The following SPIDR variants were observed in gnomAD, a reference collection of about 807,000 sequenced individuals.
SPIDR encodes the protein scaffold protein involved in DNA repair.
In SPIDR, 93 loss-of-function variants were observed where a neutral mutation model predicts 104.6. That is an observed-to-expected ratio of 0.89 (90% CI 0.75 to 1.06). SPIDR has a LOEUF of 1.06. SPIDR is among the 50% of genes least tolerant of loss of function. The pLI is 0.00. For missense variants in SPIDR, 1,154 were observed against 1,111.2 expected (o/e 1.04, Z -0.55); for synonymous variants, 431 against 416.9 (o/e 1.03, Z -0.41).
At chr8:47,550,105 GTT>G (rs1247774284) in intron 8 of SPIDR, among the ~76,000 whole-genome samples, 1 of 152,088 alleles carries the variant, frequency 6.6e-6, no homozygotes, top group East Asian at 1.9e-4. Context: ...TGAGGGCTCT[GTT>G]CTATTCCATT....
At chr8:47,337,213 G>A (rs1175596282) in intron 5 of SPIDR, among the ~76,000 whole-genome samples, 3 of 151,888 alleles carry the variant, frequency 2.0e-5, no homozygotes, top group Admixed American at 6.6e-5. Flanking sequence ...CGACAGCCTC[G>A]ACCTCCTGGG....
chr8:47,696,931 T>C (rs554480715), intron 11 of SPIDR, among the ~76,000 whole-genome samples: 277 of 152,298 alleles, frequency 1.8e-3, no homozygotes, highest in Non-Finnish European at 2.9e-3. Flanking sequence ...TGCAGCATCA[T>C]GGGGTTGGAG....
intron 14 of SPIDR, among the ~76,000 whole-genome samples, chr8:47,710,028 C>G (rs1349420722): frequency 1.3e-5 from 2 of 152,038 alleles, no homozygotes; most frequent in African/African-American, 4.8e-5. Context: ...CAGGCATGCA[C>G]CATCACACCT....
intron 8 of SPIDR, among the ~76,000 whole-genome samples, chr8:47,489,068 G>T (rs1472864045): frequency 6.6e-6 from 1 of 152,194 alleles, no homozygotes; most frequent in Admixed American, 6.5e-5. Flanking sequence ...AATTGTCCCT[G>T]TTTGCAGATG....
chr8:47,582,547 CTGTT>C (rs1489508755), intron 8 of SPIDR, among the ~76,000 whole-genome samples: 1 of 152,042 alleles, frequency 6.6e-6, no homozygotes, highest in African/African-American at 2.4e-5. Flanking sequence ...AAATTGTTCC[CTGTT>C]TAATTGAGTT....
chr8:47,611,786 G>A (rs2063643753), intron 10 of SPIDR, among the ~76,000 whole-genome samples: 1 of 152,138 alleles, frequency 6.6e-6, no homozygotes, highest in Non-Finnish European at 1.5e-5. Context: ...GAAAGTTCAA[G>A]CAAAAATTAA....
At chr8:47,411,026 A>G (rs1554671083) in intron 7 of SPIDR, among the ~76,000 whole-genome samples, 1 of 152,202 alleles carries the variant, frequency 6.6e-6, no homozygotes, top group Non-Finnish European at 1.5e-5. Flanking sequence ...TTCATGGTGT[A>G]TATATGCCAC....
At chr8:47,462,083 A>G (rs2074033846) in intron 8 of SPIDR, among the ~76,000 whole-genome samples, 1 of 152,084 alleles carries the variant, frequency 6.6e-6, no homozygotes, top group Non-Finnish European at 1.5e-5. Context: ...GCTAGTGTTC[A>G]GATTCTTTTG....
chr8:47,432,729 A>C (rs1264348400), intron 7 of SPIDR, among the ~76,000 whole-genome samples: 1 of 152,216 alleles, frequency 6.6e-6, no homozygotes, highest in African/African-American at 2.4e-5. Flanking sequence ...CATAGAAATA[A>C]TTTTAAATTG....
At chr8:47,377,586 G>C (rs2058804344) in intron 5 of SPIDR, among the ~76,000 whole-genome samples, 1 of 152,202 alleles carries the variant, frequency 6.6e-6, no homozygotes, top group Admixed American at 6.5e-5. Flanking sequence ...TTTTTATTCT[G>C]ATTCAGTTTT....
At chr8:47,345,757 G>C (rs1008737341) in intron 5 of SPIDR, among the ~76,000 whole-genome samples, 15 of 149,864 alleles carry the variant, frequency 1.0e-4, no homozygotes, top group Admixed American at 4.0e-4. Flanking sequence ...TGATTTGGCT[G>C]TCTGTTTGTC....
At chr8:47,496,111 T>G (rs920539555) in intron 8 of SPIDR, among the ~76,000 whole-genome samples, 1 of 152,192 alleles carries the variant, frequency 6.6e-6, no homozygotes, top group Admixed American at 6.6e-5. Flanking sequence ...AGATTCTTTA[T>G]TATATACAAG....
Position 47,289,620 on chromosome 8 carries a change from G to T in SPIDR, c.257-1413G>T, listed in dbSNP as rs992948762. 1.8e-4 allele frequency among the ~76,000 whole-genome samples: 27 copies of T among 152,234 alleles called. 1 individual carries two copies. Among genetic ancestry groups the T allele is most frequent in the African/African-American group, 6.0e-4 (25 of 41,534 alleles). ...AAAATAGTGACAATACAAAATGCTG[G>T]TGAGGTTGTGGAGAGACTGGATCAC... On this transcript the variant is annotated intron_variant, in intron 3 of 19. Transcript: ENST00000297423.
At position 47,387,773 on chromosome 8, in the gene SPIDR, A is replaced by G. The variant is rs1028831895; in HGVS notation, c.526-8603A>G. On this transcript the variant is annotated intron_variant, in intron 5 of 19. Coordinates refer to ENST00000297423, the MANE Select transcript of SPIDR (RefSeq NM_001080394.4). ...ACTGCATGAGCATTTCCCTTCTTCA[A>G]ATACATCCCATTTGCAGTCTCCACA... Among the ~76,000 whole-genome samples, 7 of 152,198 alleles carry G rather than the reference A, an allele frequency of 4.6e-5. No individual in the cohort carries two copies. In the South Asian group the frequency reaches 6.2e-4, roughly 14 times the overall value.
At chr8:47,731,012 C>G (rs939146475) in intron 19 of SPIDR, among the ~76,000 whole-genome samples, 2 of 152,174 alleles carry the variant, frequency 1.3e-5, no homozygotes, top group African/African-American at 4.8e-5. Flanking sequence ...AATCCCAGCA[C>G]TTTGAGAGGC....
At chr8:47,392,375 G>A (rs797024940) in intron 5 of SPIDR, among the ~76,000 whole-genome samples, 1 of 151,986 alleles carries the variant, frequency 6.6e-6, no homozygotes, top group African/African-American at 2.4e-5. Flanking sequence ...CTGTATGCAG[G>A]GTATGTTTGC....
At chr8:47,300,689 C>T (rs1274096886) in intron 5 of SPIDR, among the ~76,000 whole-genome samples, 2 of 152,240 alleles carry the variant, frequency 1.3e-5, no homozygotes, top group East Asian at 1.9e-4. Flanking sequence ...TTATTTCTGC[C>T]TTCATTTCGT....
At chr8:47,490,956 G>A (rs1451511020) in intron 8 of SPIDR, among the ~76,000 whole-genome samples, 1 of 152,054 alleles carries the variant, frequency 6.6e-6, no homozygotes, top group Non-Finnish European at 1.5e-5. Flanking sequence ...TAACAAACCT[G>A]CACGTTGTGT....
chr8:47,522,993 A>G (rs978042582), intron 8 of SPIDR, among the ~76,000 whole-genome samples: 4 of 151,010 alleles, frequency 2.6e-5, no homozygotes, highest in Non-Finnish European at 4.4e-5. Flanking sequence ...TTTTTTATTT[A>G]TTTATTTTAT....
Sources: allele counts gnomAD v4.1 joint callset (sites outside exome capture counted in the v4.1 genomes callset), GRCh38; gene constraint gnomAD v4.1.1; transcripts MANE v1.5; gene names NCBI Gene and HGNC (gene_info 2026-07-23, HGNC 2026-07-21).